EIF4E1B: variants seen among roughly 807,000 people sequenced by gnomAD.
EIF4E1B encodes the protein eukaryotic translation initiation factor 4E type 1B.
A neutral mutation model predicts 31.3 loss-of-function variants in EIF4E1B; 22 were observed. The observed-to-expected ratio is 0.70, with a 90% CI of 0.50 to 1.00. The LOEUF (loss-of-function observed/expected upper bound fraction) is 1.00, where lower values mean the gene tolerates loss of function less well. Ranked by LOEUF, EIF4E1B falls within the 50% of genes least tolerant of loss-of-function variation. The probability of loss-of-function intolerance (pLI) is 0.00; values close to 1 mark genes in which losing one functional copy is unlikely to be tolerated. For synonymous variants in EIF4E1B, 126 were observed against 120.2 expected, an observed-to-expected ratio of 1.05 and a Z score of -0.31; for missense variants, 290 against 311.6, an observed-to-expected ratio of 0.93 and a Z score of 0.52.
chr5:176,644,333 A>G, intron 5 of EIF4E1B, 43 bp from the exon 6 acceptor site: 2 of 1,556,394 alleles, frequency 1.3e-6, no homozygotes, highest in Non-Finnish European at 1.7e-6. Flanking sequence ...ACCAGGCCCT[A>G]AAAAGCCTTG....
At chr5:176,644,059 G>A in intron 5 of EIF4E1B, 1 of 555,384 alleles carries the variant, frequency 1.8e-6, no homozygotes, top group East Asian at 3.0e-5. Flanking sequence ...GTGTCCGGGT[G>A]CTCACGGGAG....
At chr5:176,633,435 T>C (rs1377883019) in intron 1 of EIF4E1B, among the ~76,000 whole-genome samples, 1 of 152,170 alleles carries the variant, frequency 6.6e-6, no homozygotes, top group African/African-American at 2.4e-5. Flanking sequence ...TGTGATTTAC[T>C]TATTTATTTT....
At chr5:176,634,264 T>C (rs1760458086) in intron 1 of EIF4E1B, among the ~76,000 whole-genome samples, 2 of 152,114 alleles carry the variant, frequency 1.3e-5, no homozygotes, top group Admixed American at 1.3e-4. Flanking sequence ...CCAGGCTGGC[T>C]TCAGATGCAG....
chr5:176,642,858 C>CCCCCT (rs1554151061), intron 3 of EIF4E1B, 56 bp downstream of exon 3: 1 of 1,290,768 alleles, frequency 7.7e-7, no homozygotes, highest in Non-Finnish European at 9.9e-7. Context: ...CTCTCCCCCC[C>CCCCCT]CCCCCCCGCC....
At chr5:176,631,645 A>C (rs1760388152) in intron 1 of EIF4E1B, among the ~76,000 whole-genome samples, 3 of 146,958 alleles carry the variant, frequency 2.0e-5, no homozygotes. Context: ...CAGCAGCCAG[A>C]CTGCAAAAAA....
At chr5:176,642,870 C>CCCCCCCCCCCGGGGGGGGGGGGG in intron 3 of EIF4E1B, 68 bp downstream of exon 3, 1 of 1,426,050 alleles carries the variant, frequency 7.0e-7, no homozygotes, top group Non-Finnish European at 9.5e-7. Flanking sequence ...CCCCCCGCCC[C>CCCCCCCCCCCGGGGGGGGGGGGG]AGGTGGGCGG....
intron 4 of EIF4E1B, 83 bp downstream of exon 4, chr5:176,643,349 G>A (rs368807408): frequency 2.8e-5 from 41 of 1,465,224 alleles, no homozygotes; most frequent in Middle Eastern, 2.5e-4. Context: ...GGGCAACCCC[G>A]CCTCTCTTGG....
intron 1 of EIF4E1B, among the ~76,000 whole-genome samples, chr5:176,641,474 G>A (rs767324027): frequency 1.3e-3 from 200 of 152,290 alleles, no homozygotes; most frequent in Non-Finnish European, 2.4e-3. Context: ...AAGAACTGCC[G>A]CTCTGAAGCC....
intron 1 of EIF4E1B, among the ~76,000 whole-genome samples, chr5:176,635,978 G>A (rs760226368): frequency 3.3e-5 from 5 of 152,006 alleles, no homozygotes; most frequent in African/African-American, 7.2e-5. Context: ...CACCATGCCC[G>A]GATAATTTTT....
chr5:176,643,567 G>C lies in EIF4E1B; in HGVS notation c.201-72G>C, dbSNP rs1760635776. ...GCCCTTGAAGGGGAGGGTCCTCCCT[G>C]TCAGTCCAGGTGCCCCGGGGGTGGA... On this transcript the variant is annotated intron_variant, in intron 4 of 8. Coordinates refer to ENST00000318682, the MANE Select transcript of EIF4E1B (RefSeq NM_001099408.2). 5 of 1,441,760 alleles carry C rather than the reference G, an allele frequency of 3.5e-6. No individual in the cohort carries two copies. In the South Asian group the frequency reaches 4.9e-5, roughly 14 times the overall value. The allele number at this position is 1,441,760 out of a possible 1,614,324, so 89.3% of individuals were successfully genotyped here.
Position 176,645,995 on chromosome 5 carries a change from C to T in EIF4E1B, c.*15C>T. 6.3e-7 allele frequency: 1 copy of T among 1,580,460 alleles called. No homozygotes were observed. Among genetic ancestry groups the T allele is most frequent in the East Asian group, 2.3e-5 (1 of 42,908 alleles). ...TTGTGGTGTGAGGGGGGCCTTGGCA[C>T]CCCTCCTATGTAATGGGACAGCCGC... On this transcript the variant is annotated 3_prime_UTR_variant, in exon 9 of 9. Coordinates refer to ENST00000318682, the MANE Select transcript of EIF4E1B (RefSeq NM_001099408.2). The surrounding 1 kb of genome is among the most constrained non-coding windows in gnomAD (Gnocchi z 5.4).
chr5:176,644,577 G>A (rs573961093), intron 6 of EIF4E1B, 138 bp downstream of exon 6: 163 of 999,422 alleles, frequency 1.6e-4, no homozygotes, highest in Middle Eastern at 6.5e-4. Flanking sequence ...GTTTCTGACT[G>A]GAGGAAATGC....
chr5:176,640,962 C>G (rs909953953), intron 1 of EIF4E1B, among the ~76,000 whole-genome samples: 10 of 152,274 alleles, frequency 6.6e-5, no homozygotes, highest in African/African-American at 2.4e-4. Flanking sequence ...TCTCAGTGAC[C>G]TTCTTCTCAG....
chr5:176,634,873 T>C (rs1305448194), intron 1 of EIF4E1B, among the ~76,000 whole-genome samples: 1 of 152,062 alleles, frequency 6.6e-6, no homozygotes, highest in Non-Finnish European at 1.5e-5. Flanking sequence ...TTTCACCATG[T>C]TGGCCAGGCT....
At chr5:176,632,784 T>C (rs73332151) in intron 1 of EIF4E1B, among the ~76,000 whole-genome samples, 2,872 of 152,224 alleles carry the variant, frequency 0.019, 105 homozygotes, top group African/African-American at 0.066. Context: ...CTTCCCATGT[T>C]TAGAGGGGTC....
intron 5 of EIF4E1B, chr5:176,643,964 G>T (rs1172241868): frequency 3.4e-6 from 2 of 586,974 alleles, no homozygotes; most frequent in Non-Finnish European, 3.0e-6. Flanking sequence ...CCTTGACTCG[G>T]CCACTCCAGG....
chr5:176,632,665 G>T (rs952284173), intron 1 of EIF4E1B, among the ~76,000 whole-genome samples: 4 of 152,178 alleles, frequency 2.6e-5, no homozygotes, highest in Admixed American at 6.5e-5. Context: ...TTCCTTACTG[G>T]TGCTGTTTGA....
chr5:176,640,304 A>C (rs729422), intron 1 of EIF4E1B, among the ~76,000 whole-genome samples: 65,364 of 152,128 alleles, frequency 0.43, 14,892 homozygotes, highest in Non-Finnish European at 0.49. Flanking sequence ...AGATGACTCC[A>C]GCCCCAACCT....
At chr5:176,644,990 G>A (rs1269963030) in intron 6 of EIF4E1B, 140 bp from the exon 7 acceptor site, 5 of 722,156 alleles carry the variant, frequency 6.9e-6, no homozygotes, top group Non-Finnish European at 1.2e-5. Context: ...GGTGGAACCT[G>A]CTTGCACTGA....
Sources: allele counts gnomAD v4.1 joint callset (sites outside exome capture counted in the v4.1 genomes callset), GRCh38; gene constraint gnomAD v4.1.1; non-coding constraint Gnocchi (gnomAD v3.1); transcripts MANE v1.5; gene names NCBI Gene and HGNC (gene_info 2026-07-23, HGNC 2026-07-21).